Variants in TSHR observed in about 807,000 individuals in gnomAD.
The protein encoded by TSHR is thyrotropin receptor.
A neutral mutation model predicts 64.1 loss-of-function variants in TSHR; 51 were observed. That is an observed-to-expected ratio of 0.80 (90% CI 0.64 to 1.01). The LOEUF is 1.01. Ranked by LOEUF, TSHR falls within the 50% of genes least tolerant of loss-of-function variation. TSHR has a pLI of 0.00. For synonymous variants in TSHR, 361 were observed against 361.9 expected, an observed-to-expected ratio of 1.00 and a Z score of 0.03; for missense variants, 877 against 942.8, an observed-to-expected ratio of 0.93 and a Z score of 0.91.
chr14:81,022,313 C>T (rs1421123814), intron 1 of TSHR, among the ~76,000 whole-genome samples: 1 of 152,052 alleles, frequency 6.6e-6, no homozygotes, highest in African/African-American at 2.4e-5. Context: ...ACAGTAATTA[C>T]TGTGGGCATG....
At chr14:80,983,609 G>T in intron 1 of TSHR, 1 of 954,084 alleles carries the variant, frequency 1.0e-6, no homozygotes, top group Non-Finnish European at 1.6e-6. Context: ...GCATTCTCAG[G>T]GAAGTTAAAG....
chr14:81,038,659 G>A (rs1035933360), intron 1 of TSHR, among the ~76,000 whole-genome samples: 11 of 150,346 alleles, frequency 7.3e-5, no homozygotes, highest in African/African-American at 2.7e-4. Flanking sequence ...CATTATACCT[G>A]ATACCACAGA....
intron 7 of TSHR, chr14:81,104,559 A>T: frequency 1.0e-6 from 1 of 985,434 alleles, no homozygotes; most frequent in Non-Finnish European, 1.2e-6. Context: ...TCACCCAACA[A>T]TCAGGCTTTC....
At chr14:81,034,630 C>A (rs1038703694) in intron 1 of TSHR, among the ~76,000 whole-genome samples, 2 of 152,182 alleles carry the variant, frequency 1.3e-5, no homozygotes, top group African/African-American at 4.8e-5. Flanking sequence ...TTAGTCATAG[C>A]TTCATGTTAA....
intron 1 of TSHR, chr14:80,994,334 A>G (rs1250080355): frequency 6.6e-6 from 1 of 152,160 alleles, no homozygotes; most frequent in Non-Finnish European, 1.5e-5. Flanking sequence ...ATTCCCATTA[A>G]ACTACCTTTG....
chr14:81,015,568 G>A (rs547543454), intron 1 of TSHR, among the ~76,000 whole-genome samples: 43 of 151,990 alleles, frequency 2.8e-4, no homozygotes, highest in African/African-American at 8.9e-4. Flanking sequence ...TGTATATATC[G>A]TAGAATAGCT....
intron 3 of TSHR, among the ~76,000 whole-genome samples, chr14:81,075,341 C>T (rs1397336437): frequency 2.0e-5 from 3 of 152,276 alleles, no homozygotes; most frequent in African/African-American, 7.2e-5. Flanking sequence ...TTATTCTTTG[C>T]TCAATTAAAC....
chr14:80,991,521 T>C (rs1375355692), intron 1 of TSHR: 2 of 398,366 alleles, frequency 5.0e-6, no homozygotes, highest in Admixed American at 8.8e-5. Context: ...GCAACCATTC[T>C]TTCCAAATTT....
At chr14:81,004,786 C>T (rs1889509401) in intron 1 of TSHR, among the ~76,000 whole-genome samples, 2 of 152,184 alleles carry the variant, frequency 1.3e-5, no homozygotes, top group Admixed American at 6.5e-5. Flanking sequence ...CTCAGAAATA[C>T]TGGAAGTCAT....
Position 81,144,139 on chromosome 14 carries a change from G to C in TSHR, c.2081G>C (p.Ser694Thr). 3 of 1,614,132 alleles carry C rather than the reference G, an allele frequency of 1.9e-6. No homozygotes were observed. The South Asian group carries it at 3.3e-5, about 18-fold the overall frequency. The change falls in exon 10 of 10, where the codon AGC (serine) becomes ACC (threonine). Residue 694 changes from serine (S) to threonine (T), a missense_variant. Coordinates refer to ENST00000298171, the MANE Select transcript of TSHR (RefSeq NM_000369.5). ...CAGAGGGATGTGTTCATCCTACTCAGCAAGTTTGGCATCTGTAAACGCCAG... is the reference window on the plus strand; with the variant it reads ...CAGAGGGATGTGTTCATCCTACTCACCAAGTTTGGCATCTGTAAACGCCAG... ...AFQRDVFILLSKFGICKRQAQ... is the reference protein window; with the variant it reads ...AFQRDVFILLTKFGICKRQAQ...
chr14:80,999,416 C>T (rs1261084027), intron 1 of TSHR, among the ~76,000 whole-genome samples: 1 of 152,054 alleles, frequency 6.6e-6, no homozygotes, highest in Non-Finnish European at 1.5e-5. Context: ...TTCTGTATAC[C>T]ACATGATCCT....
chr14:80,976,306 C>T (rs923644603), intron 1 of TSHR, among the ~76,000 whole-genome samples: 2 of 152,184 alleles, frequency 1.3e-5, no homozygotes, highest in African/African-American at 2.4e-5. Flanking sequence ...ATCCAGGATT[C>T]CAGTGGGCCT....
chr14:81,028,292 T>A (rs1388533453), intron 1 of TSHR, among the ~76,000 whole-genome samples: 6 of 151,952 alleles, frequency 3.9e-5, no homozygotes, highest in Non-Finnish European at 7.4e-5. Context: ...GTAAGAAAAA[T>A]TAGCAAAGCA....
chr14:81,060,540 T>A (rs1323817406), intron 1 of TSHR, among the ~76,000 whole-genome samples: 1 of 152,110 alleles, frequency 6.6e-6, no homozygotes, highest in Non-Finnish European at 1.5e-5. Context: ...CCTCCCTCCC[T>A]CCATTTTAAT....
At position 81,103,721 on chromosome 14, in the gene TSHR, G is replaced by T; in HGVS notation, c.615-4654G>T. ...GAAGTTGAACTGTACTTGGTCACAAGTTAAGTCACACATTCATTGTTTGGA... is the reference window on the plus strand; with the variant it reads ...GAAGTTGAACTGTACTTGGTCACAATTTAAGTCACACATTCATTGTTTGGA... On this transcript the variant is annotated intron_variant, in intron 7 of 9. Transcript: ENST00000298171. The surrounding 1 kb of genome is among the most constrained non-coding windows in gnomAD (Gnocchi z 4.1). 1.0e-6 allele frequency: 1 copy of T among 985,476 alleles called. No homozygotes were observed. The allele number at this position is 985,476 out of a possible 1,614,324, so 61.0% of individuals were successfully genotyped here.
At chr14:81,057,092 A>T (rs1277163440) in intron 1 of TSHR, among the ~76,000 whole-genome samples, 1 of 152,176 alleles carries the variant, frequency 6.6e-6, no homozygotes, top group East Asian at 1.9e-4. Context: ...CTTAATGCAC[A>T]ACAGTAAAAC....
At chr14:81,054,265 C>T (rs1487581038) in intron 1 of TSHR, among the ~76,000 whole-genome samples, 1 of 152,184 alleles carries the variant, frequency 6.6e-6, no homozygotes, top group Non-Finnish European at 1.5e-5. Context: ...CTCCTCCTTG[C>T]CTTCCGCCAT....
chr14:80,955,846 A>G lies in TSHR; in HGVS notation c.166A>G (p.Thr56Ala). Residue 56 changes from threonine (T) to alanine (A), a missense_variant, in exon 1 of 10, where the codon ACT (threonine) becomes GCT (alanine). By Grantham distance (58) the Thr-to-Ala change is moderately conservative. Coordinates refer to ENST00000298171, the MANE Select transcript of TSHR (RefSeq NM_000369.5). Reference protein sequence around the residue: ...RIPSLPPSTQTLKLIETHLRT... With the variant: ...RIPSLPPSTQALKLIETHLRT... ...CCCCAGCTTACCGCCCAGTACGCAG[A>G]CTCTGTGAGTACCCGGGAGAGATCA... The G allele has an allele frequency of 6.2e-7, 1 of 1,614,126 alleles. No homozygotes were observed. Among genetic ancestry groups the G allele is most frequent in the Non-Finnish European group, 8.5e-7 (1 of 1,180,018 alleles).
rs1891791816 is a variant in TSHR at position 81,143,498 on chromosome 14, G to C, written c.1440G>C (p.Glu480Asp). 1.2e-6 allele frequency: 2 copies of C among 1,613,858 alleles called. No individual in the cohort carries two copies. The highest frequency in any genetic ancestry group is 2.7e-5 in the African/African-American group (2 of 74,936). ...IASVDLYTHSEYYNHAIDWQT... is the reference protein window; with the variant it reads ...IASVDLYTHSDYYNHAIDWQT... ...CTGTAGACCTCTACACTCACTCTGA[G>C]TACTACAACCATGCCATCGACTGGC... The change falls in exon 10 of 10, where the codon GAG becomes GAC. Residue 480 changes from glutamate to aspartate, a missense_variant. Physicochemically the swap from Glu to Asp is conservative, Grantham distance 45. Coordinates refer to ENST00000298171, the MANE Select transcript of TSHR (RefSeq NM_000369.5).
Sources: allele counts gnomAD v4.1 joint callset (sites outside exome capture counted in the v4.1 genomes callset), GRCh38; gene constraint gnomAD v4.1.1; non-coding constraint Gnocchi (gnomAD v3.1); transcripts MANE v1.5; gene names NCBI Gene and HGNC (gene_info 2026-07-23, HGNC 2026-07-21).